Variants in PDE10A observed in about 807,000 individuals in gnomAD.
PDE10A encodes phosphodiesterase 10A, also known as cAMP and cAMP-inhibited cGMP 3',5'-cyclic phosphodiesterase 10A.
In PDE10A, 39 loss-of-function variants were observed where a neutral mutation model predicts 97.7. The observed-to-expected ratio is 0.40, with a 90% confidence interval of 0.31 to 0.52. PDE10A has a LOEUF of 0.52. PDE10A is among the 20% of genes least tolerant of loss of function. The pLI is 0.56. For synonymous variants in PDE10A, 371 were observed against 376.8 expected, an observed-to-expected ratio of 0.98 and a Z score of 0.18; for missense variants, 731 against 1,047.8, an observed-to-expected ratio of 0.70 and a Z score of 4.17.
intron 3 of PDE10A, among the ~76,000 whole-genome samples, chr6:165,474,991 C>T (rs1294471624): frequency 1.3e-5 from 2 of 152,136 alleles, no homozygotes; most frequent in African/African-American, 4.8e-5. Context: ...AAGCTCTACA[C>T]ATGCACCCGC....
At chr6:165,818,431 A>G (rs1348219588) in intron 1 of PDE10A, among the ~76,000 whole-genome samples, 3 of 152,172 alleles carry the variant, frequency 2.0e-5, no homozygotes, top group Non-Finnish European at 4.4e-5. Flanking sequence ...TTGTAAAGAA[A>G]GTCAAAGAAT....
rs1001805510 is a variant in PDE10A at position 165,418,930 on chromosome 6, A to G, written c.1654-153T>C. 6.6e-5 allele frequency among the ~76,000 whole-genome samples: 10 copies of G among 152,236 alleles called. No individual in the cohort carries two copies. The highest frequency in any genetic ancestry group is 1.2e-4 in the Non-Finnish European group (8 of 68,052). On this transcript the variant is annotated intron_variant, in intron 10 of 21. Coordinates refer to ENST00000539869, the MANE Select transcript of PDE10A (RefSeq NM_001385079.1). The surrounding 1 kb of genome is among the most constrained non-coding windows in gnomAD (Gnocchi z 4.8). ...AGTAAATAAATATACAAGTATATAA[A>G]TATTTCATATATATGATATAAAAGT...
At chr6:165,836,373 C>T (rs11758390) in intron 1 of PDE10A, among the ~76,000 whole-genome samples, 3,127 of 152,332 alleles carry the variant, frequency 0.021, 60 homozygotes, top group Non-Finnish European at 0.027. Context: ...CGGCGCACGT[C>T]GGCACAGCCC....
chr6:165,742,870 G>A (rs1394355730), intron 1 of PDE10A, among the ~76,000 whole-genome samples: 4 of 152,182 alleles, frequency 2.6e-5, no homozygotes, highest in African/African-American at 4.8e-5. Flanking sequence ...AACACTGCCC[G>A]CTTGCGTTGT....
intron 1 of PDE10A, among the ~76,000 whole-genome samples, chr6:165,939,294 T>A (rs1212955334): frequency 6.6e-6 from 1 of 152,236 alleles, no homozygotes; most frequent in African/African-American, 2.4e-5. Flanking sequence ...GGCACCTGCA[T>A]GTGTGCAAGT....
intron 1 of PDE10A, among the ~76,000 whole-genome samples, chr6:165,873,595 T>C (rs1352436245): frequency 6.6e-6 from 1 of 152,214 alleles, no homozygotes; most frequent in African/African-American, 2.4e-5. Context: ...CCTTTAAAGA[T>C]TTTTTTCTTA....
intron 1 of PDE10A, among the ~76,000 whole-genome samples, chr6:165,974,454 G>A (rs1296891803): frequency 1.3e-5 from 2 of 152,208 alleles, no homozygotes; most frequent in Non-Finnish European, 2.9e-5. Context: ...TGTGGGGATG[G>A]CCATGCTTCC....
chr6:165,631,897 T>C (rs978456643), intron 1 of PDE10A, among the ~76,000 whole-genome samples: 9 of 152,104 alleles, frequency 5.9e-5, no homozygotes, highest in African/African-American at 1.7e-4. Flanking sequence ...TGAAAAATAT[T>C]GTTTTAAAGA....
chr6:165,814,258 C>T (rs1010184238), intron 1 of PDE10A, among the ~76,000 whole-genome samples: 1 of 152,264 alleles, frequency 6.6e-6, no homozygotes, highest in African/African-American at 2.4e-5. Flanking sequence ...CCTAGGTTCT[C>T]AGCACTGTGC....
intron 10 of PDE10A, among the ~76,000 whole-genome samples, chr6:165,421,094 T>C (rs1042756977): frequency 2.6e-5 from 4 of 152,188 alleles, no homozygotes; most frequent in African/African-American, 7.2e-5. Context: ...TAATTCATAA[T>C]AGCAATAAGA....
chr6:165,507,153 A>G lies in PDE10A; in HGVS notation c.995-24810T>C, dbSNP rs902999009. The stretch of plus-strand genomic sequence containing the variant: ...CATGCTGGAGTTGAAATTTTGTCCT[A>G]TATCTCAACATGTTTGGTTAGGGCT... On this transcript the variant is annotated intron_variant, in intron 2 of 21. Coordinates refer to ENST00000539869, the MANE Select transcript of PDE10A (RefSeq NM_001385079.1). 2.6e-5 allele frequency among the ~76,000 whole-genome samples: 4 copies of G among 152,130 alleles called. 1 individual carries two copies. In the South Asian group the frequency reaches 6.2e-4, roughly 24 times the overall value.
intron 1 of PDE10A, among the ~76,000 whole-genome samples, chr6:165,603,252 G>A (rs992270816): frequency 1.3e-5 from 2 of 152,174 alleles, no homozygotes; most frequent in East Asian, 1.9e-4. Context: ...AGGAACCCCT[G>A]CAAGAGACGT....
At chr6:165,894,730 T>A (rs1418303186) in intron 1 of PDE10A, 1 of 339,966 alleles carries the variant, frequency 2.9e-6, no homozygotes, top group Non-Finnish European at 5.8e-6. Context: ...AGAAAATGCA[T>A]ATAAATATGT....
intron 1 of PDE10A, among the ~76,000 whole-genome samples, chr6:165,955,068 C>T (rs1290104355): frequency 2.0e-5 from 3 of 152,102 alleles, no homozygotes; most frequent in African/African-American, 4.8e-5. Flanking sequence ...AGAATGGTCG[C>T]CGTTTCCGTG....
At chr6:165,587,782 A>C (rs190624483) in intron 1 of PDE10A, among the ~76,000 whole-genome samples, 144 of 152,320 alleles carry the variant, frequency 9.5e-4, no homozygotes, top group Middle Eastern at 6.8e-3. Flanking sequence ...AGGAAAGAAC[A>C]ACCATTATTT....
chr6:165,436,889 GAAA>G (rs1217229942), intron 5 of PDE10A, among the ~76,000 whole-genome samples: 1 of 152,032 alleles, frequency 6.6e-6, no homozygotes, highest in African/African-American at 2.4e-5. Flanking sequence ...TCTTAAGACA[GAAA>G]GAGTAGAAAG....
chr6:165,867,631 T>G (rs1781096036), intron 1 of PDE10A, among the ~76,000 whole-genome samples: 1 of 151,724 alleles, frequency 6.6e-6, no homozygotes, highest in African/African-American at 2.4e-5. Context: ...AGACAGAAAA[T>G]CAATAAAGAA....
chr6:165,544,107 T>C (rs376791858), intron 1 of PDE10A, among the ~76,000 whole-genome samples: 6 of 152,102 alleles, frequency 3.9e-5, no homozygotes, highest in Non-Finnish European at 8.8e-5. Flanking sequence ...CTAGCAAGAG[T>C]AGTAAACAGG....
chr6:165,384,507 C>T (rs1014817863), intron 17 of PDE10A, among the ~76,000 whole-genome samples: 1 of 152,044 alleles, frequency 6.6e-6, no homozygotes, highest in Non-Finnish European at 1.5e-5. Flanking sequence ...TTCCCATTGC[C>T]CACTCAACAC....
Sources: gnomAD v4.1 joint callset for allele counts (sites outside exome capture counted in the v4.1 genomes callset) on GRCh38, gnomAD v4.1.1 for gene constraint, Gnocchi (gnomAD v3.1) non-coding constraint, MANE v1.5 for transcripts, NCBI Gene and HGNC (gene_info 2026-07-23, HGNC 2026-07-21) for gene names.